The following ATF3 variants were observed in gnomAD, a reference collection of about 807,000 sequenced individuals.
ATF3 encodes cyclic AMP-dependent transcription factor ATF-3.
A neutral mutation model predicts 18.4 loss-of-function variants in ATF3; 10 were observed. The ratio of observed to expected loss-of-function variants is 0.54; its 90% CI spans 0.34 to 0.92. The LOEUF (loss-of-function observed/expected upper bound fraction) is 0.92. Ranked by LOEUF, ATF3 falls within the 40% of genes least tolerant of loss-of-function variation. The pLI is 0.02. For missense variants in ATF3, 183 were observed against 222.3 expected (o/e 0.82, Z 1.12); for synonymous variants, 78 against 87.9 (o/e 0.89, Z 0.63).
chr1:212,569,094 T>G (rs1050208245), intron 1 of ATF3, among the ~76,000 whole-genome samples: 1 of 152,208 alleles, frequency 6.6e-6, no homozygotes, highest in Non-Finnish European at 1.5e-5. Context: ...AATAAACTTA[T>G]TTGAATTTTT....
chr1:212,614,871 T>G, intron 1 of ATF3, 147 bp from the exon 2 acceptor site: 1 of 1,436,212 alleles, frequency 7.0e-7, no homozygotes, highest in Admixed American at 1.9e-5. Flanking sequence ...GAGGATGGCA[T>G]GAAATGAAAA....
At chr1:212,594,389 G>A (rs1455707695) in intron 1 of ATF3, among the ~76,000 whole-genome samples, 1 of 143,434 alleles carries the variant, frequency 7.0e-6, no homozygotes, top group East Asian at 2.0e-4. Context: ...AATATTCAGA[G>A]ACTATGAATG....
rs1664455588 is a variant in ATF3 at position 212,570,242 on chromosome 1, G to A, written c.-5+4759G>A. Among the ~76,000 whole-genome samples, 5 of 151,806 alleles carry A rather than the reference G, an allele frequency of 3.3e-5. No individual in the cohort carries two copies. In the South Asian group the frequency reaches 6.2e-4, roughly 19 times the overall value. On this transcript the variant is annotated intron_variant, in intron 1 of 3. Coordinates refer to the ATF3 transcript ENST00000366981. ...AGAGATTTTAAGATTTAAAGCAATC[G>A]AATCTGTCAATTTTTTTTTCTGGAG...
chr1:212,586,498 AAAGGAGTATTCGGTGAATG>A (rs1359543074), intron 1 of ATF3, among the ~76,000 whole-genome samples: 1 of 152,224 alleles, frequency 6.6e-6, no homozygotes, highest in Non-Finnish European at 1.5e-5. Flanking sequence ...AGTGAGCACT[AAAGGAGTATTCGGTGAATG>A]AATGAATGAC....
intron 1 of ATF3, among the ~76,000 whole-genome samples, chr1:212,578,189 T>A (rs1664617184): frequency 6.6e-6 from 1 of 152,230 alleles, no homozygotes. Context: ...AGCTGCAATT[T>A]ATCTTCACTT....
rs116657474 is a variant in ATF3, at chr1:212,578,047, G to A, written c.-5+12564G>A. On this transcript the variant is annotated intron_variant, in intron 1 of 3. Coordinates refer to the ATF3 transcript ENST00000366981. The stretch of plus-strand genomic sequence containing the variant: ...GTTCCAATTTATATTCACACCAACA[G>A]TGTGAAAGGGTTTCCTTTTCTCCAC... Among the ~76,000 whole-genome samples the A allele has an allele frequency of 4.5e-3, 683 of 152,296 alleles. 2 individuals are homozygous for A. The highest frequency in any genetic ancestry group is 6.9e-3 in the Non-Finnish European group (468 of 68,024).
chr1:212,619,599 T>G lies in ATF3; in HGVS notation c.*44T>G. 1 of 1,607,098 alleles carries G rather than the reference T, an allele frequency of 6.2e-7. No individual in the cohort carries two copies. Among genetic ancestry groups the G allele is most frequent in the East Asian group, 2.2e-5 (1 of 44,720 alleles). On this transcript the variant is annotated 3_prime_UTR_variant, in exon 4 of 4. Coordinates refer to ENST00000341491, the MANE Select transcript of ATF3 (RefSeq NM_001674.4). The surrounding 1 kb of genome is among the most constrained non-coding windows in gnomAD (Gnocchi z 4.4). ...CGACTGGGGAGTCCTCATTGAATCC[T>G]CATTTTATACCCAAAACCCTGAAGC...
chr1:212,619,339 T>G lies in ATF3; in HGVS notation c.349-19T>G. The G allele has an allele frequency of 6.2e-7, 1 of 1,612,784 alleles. No individual in the cohort carries two copies. The highest frequency in any genetic ancestry group is 1.3e-5 in the African/African-American group (1 of 74,964). ...GGCCCTTGGCTCCTTTCTTGATGCC[T>G]CTGTTGCTTGTCCCCCAGGAGTCGG... On this transcript the variant is annotated intron_variant, in intron 3 of 3. Transcript: ENST00000341491. The surrounding 1 kb of genome is among the most constrained non-coding windows in gnomAD (Gnocchi z 4.4).
intron 1 of ATF3, among the ~76,000 whole-genome samples, chr1:212,610,615 TTC>T (rs1276752815): frequency 1.3e-5 from 2 of 152,182 alleles, no homozygotes; most frequent in Non-Finnish European, 2.9e-5. Context: ...AGCCTTCTTT[TTC>T]TCTCTCTCTT....
upstream of ATF3, among the ~76,000 whole-genome samples, chr1:212,605,382 G>A (rs1396996857): frequency 6.6e-6 from 1 of 152,142 alleles, no homozygotes; most frequent in Non-Finnish European, 1.5e-5. Context: ...GTGAGCTTCG[G>A]AAACAGAATA....
chr1:212,612,209 C>T (rs1042250054), intron 1 of ATF3, among the ~76,000 whole-genome samples: 1 of 152,188 alleles, frequency 6.6e-6, no homozygotes, highest in African/African-American at 2.4e-5. Flanking sequence ...AGGAAGCCCA[C>T]CCAATGCTTT....
intron 1 of ATF3, among the ~76,000 whole-genome samples, chr1:212,593,692 G>A (rs1277455489): frequency 7.0e-6 from 1 of 143,844 alleles, no homozygotes; most frequent in Non-Finnish European, 1.5e-5. Flanking sequence ...AGTGAGCTAT[G>A]ATTGCCCTAA....
chr1:212,571,709 C>G (rs1158185767), intron 1 of ATF3, among the ~76,000 whole-genome samples: 3 of 140,776 alleles, frequency 2.1e-5, no homozygotes, highest in African/African-American at 8.0e-5. Flanking sequence ...CGCGCCCAGC[C>G]AATACTTTTT....
chr1:212,601,674 G>A (rs768189020), intron 1 of ATF3, among the ~76,000 whole-genome samples: 1 of 152,118 alleles, frequency 6.6e-6, no homozygotes, highest in Non-Finnish European at 1.5e-5. Flanking sequence ...GCTTACTATT[G>A]TGCCTGGCAT....
intron 1 of ATF3, among the ~76,000 whole-genome samples, chr1:212,603,028 C>A (rs958408820): frequency 6.6e-6 from 1 of 152,194 alleles, no homozygotes; most frequent in Non-Finnish European, 1.5e-5. Flanking sequence ...GTGCTCATGT[C>A]CAGTTTGAGA....
At chr1:212,575,684 G>T (rs1664565618) in intron 1 of ATF3, among the ~76,000 whole-genome samples, 1 of 152,048 alleles carries the variant, frequency 6.6e-6, no homozygotes. Flanking sequence ...AAGGAAAGTT[G>T]CCTTCTATAC....
chr1:212,596,134 T>G (rs1020976023), intron 1 of ATF3, among the ~76,000 whole-genome samples: 14 of 152,192 alleles, frequency 9.2e-5, no homozygotes, highest in African/African-American at 3.1e-4. Flanking sequence ...TAAACACAAG[T>G]GAAGTGAAAT....
At chr1:212,570,085 T>A (rs1664452902) in intron 1 of ATF3, among the ~76,000 whole-genome samples, 1 of 152,204 alleles carries the variant, frequency 6.6e-6, no homozygotes, top group Non-Finnish European at 1.5e-5. Context: ...CTGCAGTGAT[T>A]TAAAATGTTT....
chr1:212,572,150 T>C (rs1414135238), intron 1 of ATF3, among the ~76,000 whole-genome samples: 1 of 152,236 alleles, frequency 6.6e-6, no homozygotes, highest in Non-Finnish European at 1.5e-5. Context: ...TCCATACTCT[T>C]ATCGATACTT....
Sources: allele counts gnomAD v4.1 joint callset (sites outside exome capture counted in the v4.1 genomes callset), GRCh38; gene constraint gnomAD v4.1.1; non-coding constraint Gnocchi (gnomAD v3.1); transcripts MANE v1.5; gene names NCBI Gene and HGNC (gene_info 2026-07-23, HGNC 2026-07-21).